The following CEP83 variants were observed in gnomAD, a reference collection of about 807,000 sequenced individuals.
CEP83 encodes the protein centrosomal protein 83.
CEP83 carries 70 observed loss-of-function variants against 101.9 expected under a neutral mutation model. That is an observed-to-expected ratio of 0.69 (90% CI 0.57 to 0.84). The LOEUF (loss-of-function observed/expected upper bound fraction) is 0.84, where lower values mean the gene tolerates loss of function less well. Among genes scored for constraint, CEP83 ranks in the 40% least tolerant of loss-of-function variants. CEP83 has a pLI of 0.00. For synonymous variants in CEP83, 264 were observed against 267.9 expected, an observed-to-expected ratio of 0.99 and a Z score of 0.14; for missense variants, 715 against 787.2, an observed-to-expected ratio of 0.91 and a Z score of 1.10.
At position 94,368,151 on chromosome 12, in the gene CEP83, C is replaced by T; in HGVS notation, c.1099G>A (p.Val367Met). 6.2e-7 allele frequency: 1 copy of T among 1,612,908 alleles called. No individual in the cohort carries two copies. The highest frequency in any genetic ancestry group is 8.5e-7 in the Non-Finnish European group (1 of 1,179,286). Residue 367 changes from valine (V) to methionine (M), a missense_variant, in exon 10 of 17, where the codon GTG becomes ATG. Coordinates refer to ENST00000397809, the MANE Select transcript of CEP83 (RefSeq NM_016122.3). ...TCACGATCCTTTTCTACTAAGAGCA[C>T]TTTGTGATGTTCAACAGCTGCTTTG... The part of the protein sequence containing the change: ...ILKAAVEHHK[V>M]LLVEKDRELI...
chr12:94,336,249 A>C (rs559685047), intron 11 of CEP83, among the ~76,000 whole-genome samples: 1 of 152,302 alleles, frequency 6.6e-6, no homozygotes, highest in African/African-American at 2.4e-5. Context: ...CTTCAAAGGG[A>C]ATAATACATC....
intron 2 of CEP83, among the ~76,000 whole-genome samples, chr12:94,431,707 C>G (rs1442131663): frequency 1.3e-5 from 2 of 151,866 alleles, no homozygotes; most frequent in African/African-American, 4.8e-5. Context: ...CATTAATTAC[C>G]AGGGAAATGC....
chr12:94,453,296 T>C (rs1290996328), intron 1 of CEP83, among the ~76,000 whole-genome samples: 1 of 152,164 alleles, frequency 6.6e-6, no homozygotes, highest in Non-Finnish European at 1.5e-5. Context: ...CTCTCCAACT[T>C]CAAGAATTGT....
chr12:94,315,706 T>A (rs550742322), intron 14 of CEP83, among the ~76,000 whole-genome samples: 13 of 152,192 alleles, frequency 8.5e-5, no homozygotes, highest in Admixed American at 3.9e-4. Flanking sequence ...TTTTTTTTTT[T>A]ACCTATCACA....
chr12:94,393,322 T>C (rs1365182973), intron 6 of CEP83, among the ~76,000 whole-genome samples: 3 of 152,152 alleles, frequency 2.0e-5, no homozygotes, highest in African/African-American at 7.2e-5. Context: ...TGGTTCAACA[T>C]ATGCAAATCA....
At chr12:94,377,587 G>A (rs185445940) in intron 7 of CEP83, among the ~76,000 whole-genome samples, 1 of 152,280 alleles carries the variant, frequency 6.6e-6, no homozygotes, top group African/African-American at 2.4e-5. Context: ...GAAAGTTAAA[G>A]AAGAAAGAAA....
intron 14 of CEP83, among the ~76,000 whole-genome samples, chr12:94,330,950 A>T (rs2059171726): frequency 6.6e-6 from 1 of 152,160 alleles, no homozygotes; most frequent in African/African-American, 2.4e-5. Context: ...ATCAAATTAA[A>T]CATATCACTA....
downstream of CEP83, among the ~76,000 whole-genome samples, chr12:94,302,420 T>C (rs1968556339): frequency 6.6e-6 from 1 of 152,330 alleles, no homozygotes; most frequent in South Asian, 2.1e-4. Flanking sequence ...CCAGAAACTG[T>C]AGGAGACTCA....
chr12:94,373,406 G>C (rs2061390148), intron 8 of CEP83, among the ~76,000 whole-genome samples: 1 of 152,116 alleles, frequency 6.6e-6, no homozygotes, highest in African/African-American at 2.4e-5. Context: ...AGACACACAA[G>C]AGCACAGCAT....
chr12:94,458,687 G>A (rs1255106231), intron 1 of CEP83, among the ~76,000 whole-genome samples: 1 of 152,156 alleles, frequency 6.6e-6, no homozygotes, highest in African/African-American at 2.4e-5. Flanking sequence ...GCAGTGAGCC[G>A]AGATCGCGCT....
At chr12:94,382,919 T>C (rs1223622576) in intron 6 of CEP83, among the ~76,000 whole-genome samples, 6 of 152,080 alleles carry the variant, frequency 3.9e-5, no homozygotes, top group Admixed American at 3.9e-4. Context: ...TTATTTATCC[T>C]TGCTGATTTT....
At chr12:94,313,288 G>T in intron 14 of CEP83, 1 of 227,264 alleles carries the variant, frequency 4.4e-6, no homozygotes, top group Non-Finnish European at 8.5e-6. Context: ...AATCTACAAA[G>T]GGAAGGAGTC....
At chr12:94,447,254 C>T (rs946885219) in intron 1 of CEP83, among the ~76,000 whole-genome samples, 6 of 152,200 alleles carry the variant, frequency 3.9e-5, no homozygotes, top group Admixed American at 2.6e-4. Flanking sequence ...TGGCTCATGC[C>T]TGTAATCCCA....
At chr12:94,423,457 C>CTTTTTTTT (rs763433431) in intron 2 of CEP83, among the ~76,000 whole-genome samples, 9,689 of 119,304 alleles carry the variant, frequency 0.081, 447 homozygotes, top group African/African-American at 0.1. Context: ...TCTGGTTCAA[C>CTTTTTTTT]TTTTTTTTTT....
chr12:94,362,573 G>A (rs2060823853), intron 11 of CEP83, among the ~76,000 whole-genome samples: 1 of 151,832 alleles, frequency 6.6e-6, no homozygotes, highest in Admixed American at 6.5e-5. Flanking sequence ...GGAGGCAGAG[G>A]TTACAGTGAG....
chr12:94,310,892 CT>C, intron 15 of CEP83, among the ~76,000 whole-genome samples: 1 of 152,226 alleles, frequency 6.6e-6, no homozygotes, highest in African/African-American at 2.4e-5. Flanking sequence ...TCCTAAAACT[CT>C]GGGAAACTCT....
At chr12:94,443,054 A>G (rs555286640) in intron 1 of CEP83, among the ~76,000 whole-genome samples, 31 of 152,300 alleles carry the variant, frequency 2.0e-4, no homozygotes, top group Non-Finnish European at 3.5e-4. Context: ...CTTCGTCACT[A>G]TAACTCCTAT....
the CEP83 span, among the ~76,000 whole-genome samples, chr12:94,296,230 G>A: frequency 6.6e-6 from 1 of 152,116 alleles, no homozygotes; most frequent in Non-Finnish European, 1.5e-5. Context: ...GTACAATCAT[G>A]GCTCACTGAA....
At position 94,309,969 on chromosome 12, in the gene CEP83, C is replaced by A. The variant is rs564948431; in HGVS notation, c.1950G>T (p.Gln650His). ...PTASINPVSF[Q>H]SSAMVPSMEL... is the part of the protein sequence containing the mutation. ...CCATGCTTGGAACCATGGCTGATGA[C>A]TGAAAGCTAACAGGATTGATAGATG... is the stretch of plus-strand genomic sequence containing the variant. Residue 650 changes from glutamine (Q) to histidine (H), a missense_variant, in exon 16 of 17, where the codon CAG (glutamine) becomes CAT (histidine). Coordinates refer to ENST00000397809, the MANE Select transcript of CEP83 (RefSeq NM_016122.3). 1.9e-6 allele frequency: 3 copies of A among 1,611,124 alleles called. No individual in the cohort carries two copies. In the East Asian group the frequency reaches 6.7e-5, roughly 36 times the overall value.
Sources: gnomAD v4.1 joint callset for allele counts (sites outside exome capture counted in the v4.1 genomes callset) on GRCh38, gnomAD v4.1.1 for gene constraint, MANE v1.5 for transcripts, NCBI Gene and HGNC (gene_info 2026-07-23, HGNC 2026-07-21) for gene names.